ADAMTSL3: variants seen among roughly 807,000 people sequenced by gnomAD.
The protein encoded by ADAMTSL3 is ADAMTS like 3.
In ADAMTSL3, 128 loss-of-function variants were observed where a neutral mutation model predicts 201.7. That is an observed-to-expected ratio of 0.63 (90% CI 0.55 to 0.73). The LOEUF (loss-of-function observed/expected upper bound fraction) is 0.73, where lower values mean the gene tolerates loss of function less well. Ranked by LOEUF, ADAMTSL3 falls within the 30% of genes least tolerant of loss-of-function variation. The probability of loss-of-function intolerance (pLI) is 0.00; values close to 1 mark genes in which losing one functional copy is unlikely to be tolerated. For missense variants in ADAMTSL3, 1,990 were observed against 2,119.6 expected, an observed-to-expected ratio of 0.94 and a Z score of 1.20; for synonymous variants, 738 against 748.4, an observed-to-expected ratio of 0.99 and a Z score of 0.23.
intron 21 of ADAMTSL3, among the ~76,000 whole-genome samples, chr15:83,986,116 C>A (rs1346595418): frequency 6.6e-6 from 1 of 152,124 alleles, no homozygotes; most frequent in Non-Finnish European, 1.5e-5. Flanking sequence ...TTTAAAAAGG[C>A]TAATTAATGG....
At chr15:83,780,721 T>A (rs919596619) in intron 4 of ADAMTSL3, among the ~76,000 whole-genome samples, 1 of 152,162 alleles carries the variant, frequency 6.6e-6, no homozygotes, top group African/African-American at 2.4e-5. Flanking sequence ...CCCCATAGTC[T>A]CAGGCCAAAG....
chr15:83,740,746 A>G (rs376024061), intron 3 of ADAMTSL3, among the ~76,000 whole-genome samples: 2 of 152,212 alleles, frequency 1.3e-5, no homozygotes, highest in African/African-American at 4.8e-5. Flanking sequence ...TGACACAAAT[A>G]ATAAAAAGAC....
At chr15:83,686,769 C>T (rs1034527778) in intron 2 of ADAMTSL3, among the ~76,000 whole-genome samples, 1 of 152,152 alleles carries the variant, frequency 6.6e-6, no homozygotes, top group African/African-American at 2.4e-5. Flanking sequence ...TAAATCAGTG[C>T]CTTTCCTTCT....
intron 3 of ADAMTSL3, among the ~76,000 whole-genome samples, chr15:83,718,475 G>C (rs551896262): frequency 6.6e-6 from 1 of 152,020 alleles, no homozygotes; most frequent in Non-Finnish European, 1.5e-5. Flanking sequence ...ATGCTGAGGC[G>C]GGCAGATCAC....
chr15:84,016,329 C>A, intron 24 of ADAMTSL3, 54 bp from the exon 25 acceptor site: 1 of 1,409,744 alleles, frequency 7.1e-7, no homozygotes, highest in Non-Finnish European at 1.0e-6. Context: ...CCAAGCTGGA[C>A]CAATAATTAG....
rs764806830 is a variant in ADAMTSL3, at chr15:83,942,888, CT to C, written c.2311-14del. The C allele has an allele frequency of 3.1e-6, 5 of 1,609,576 alleles. No homozygotes were observed. Among genetic ancestry groups the C allele is most frequent in the Non-Finnish European group, 4.2e-6 (5 of 1,177,832 alleles). ...TGGGCCAAGCCTGCCGCCTCACCCC[CT>C]CTTGTCTTCTTAGTGTTCCAGGACT... On this transcript the variant is annotated splice_polypyrimidine_tract_variant and intron_variant, in intron 18 of 29. Transcript: ENST00000286744.
At chr15:83,706,899 G>A (rs930536294) in intron 3 of ADAMTSL3, among the ~76,000 whole-genome samples, 4 of 151,918 alleles carry the variant, frequency 2.6e-5, no homozygotes, top group African/African-American at 9.7e-5. Context: ...AAACTCCTGG[G>A]CTCAAGCGAT....
At chr15:83,720,806 C>G (rs1442577008) in intron 3 of ADAMTSL3, among the ~76,000 whole-genome samples, 1 of 152,156 alleles carries the variant, frequency 6.6e-6, no homozygotes, top group Admixed American at 6.6e-5. Flanking sequence ...CAGGATAGTA[C>G]TTTTATAATA....
intron 6 of ADAMTSL3, among the ~76,000 whole-genome samples, chr15:83,837,802 GAA>G (rs11373772): frequency 3.7e-5 from 5 of 135,714 alleles, no homozygotes; most frequent in Admixed American, 7.4e-5. Context: ...ATCTTGTCTT[GAA>G]AAAAAAAAAA....
chr15:83,812,570 A>T (rs2063715043), intron 5 of ADAMTSL3, among the ~76,000 whole-genome samples: 1 of 152,192 alleles, frequency 6.6e-6, no homozygotes, highest in Non-Finnish European at 1.5e-5. Context: ...GGCCAAACTC[A>T]GTCTCTATCA....
At chr15:83,915,500 TTG>T (rs1491149502) in intron 16 of ADAMTSL3, among the ~76,000 whole-genome samples, 50 of 90,522 alleles carry the variant, frequency 5.5e-4, no homozygotes, top group Middle Eastern at 6.2e-3. Context: ...AATTCCTCTT[TTG>T]TTTTTTTTCA....
intron 2 of ADAMTSL3, among the ~76,000 whole-genome samples, chr15:83,670,768 C>T (rs1030064322): frequency 4.6e-5 from 7 of 152,214 alleles, no homozygotes; most frequent in African/African-American, 1.4e-4. Context: ...GTAACTGAGA[C>T]ACTTAGCACA....
chr15:84,013,118 T>C (rs2068032957), intron 23 of ADAMTSL3, among the ~76,000 whole-genome samples: 3 of 152,206 alleles, frequency 2.0e-5, no homozygotes, highest in South Asian at 4.1e-4. Context: ...ATTTAAGCAT[T>C]TCTAGATAAC....
intron 2 of ADAMTSL3, among the ~76,000 whole-genome samples, chr15:83,692,897 G>C (rs2061632250): frequency 6.6e-6 from 1 of 152,036 alleles, no homozygotes; most frequent in Admixed American, 6.5e-5. Flanking sequence ...CATTTTGAAA[G>C]CCTGCATGAT....
intron 3 of ADAMTSL3, among the ~76,000 whole-genome samples, chr15:83,718,989 T>C (rs895389987): frequency 1.3e-5 from 2 of 152,058 alleles, no homozygotes; most frequent in African/African-American, 4.8e-5. Context: ...GAAGGGATGA[T>C]AGAATGAGAA....
intron 6 of ADAMTSL3, among the ~76,000 whole-genome samples, chr15:83,837,687 A>AG (rs2064301449): frequency 6.6e-6 from 1 of 151,790 alleles, no homozygotes; most frequent in Non-Finnish European, 1.5e-5. Context: ...AAGTGATCCC[A>AG]GCTACTTGGG....
chr15:83,791,641 G>C (rs1296337704), intron 4 of ADAMTSL3, among the ~76,000 whole-genome samples: 1 of 152,044 alleles, frequency 6.6e-6, no homozygotes, highest in Non-Finnish European at 1.5e-5. Context: ...GGCAGATCAC[G>C]AGGTCAGGAG....
At chr15:84,002,936 C>CTTTTTT (rs368176543) in intron 23 of ADAMTSL3, among the ~76,000 whole-genome samples, 2,682 of 98,758 alleles carry the variant, frequency 0.027, 3 homozygotes, top group Non-Finnish European at 0.032. Context: ...CTTTTCTTTT[C>CTTTTTT]TTTTTTTTTT....
chr15:83,770,187 T>TGATATG (rs1461093382), intron 3 of ADAMTSL3, among the ~76,000 whole-genome samples: 1 of 152,076 alleles, frequency 6.6e-6, no homozygotes, highest in Non-Finnish European at 1.5e-5. Flanking sequence ...GCATGAAAAA[T>TGATATG]GATATGGATT....
Sources: allele counts gnomAD v4.1 joint callset (sites outside exome capture counted in the v4.1 genomes callset), GRCh38; gene constraint gnomAD v4.1.1; transcripts MANE v1.5; gene names NCBI Gene and HGNC (gene_info 2026-07-23, HGNC 2026-07-21).